The following PKIB variants were observed in gnomAD, a reference collection of about 807,000 sequenced individuals.
PKIB encodes PKI-beta.
In PKIB, 2 loss-of-function variants were observed where a neutral mutation model predicts 4.5. The ratio of observed to expected loss-of-function variants is 0.44; its 90% confidence interval spans 0.18 to 1.39. The LOEUF is 1.39. PKIB is among the 40% of genes most tolerant of loss of function. The pLI, the probability that PKIB is intolerant of heterozygous loss-of-function variation, is 0.27. For synonymous variants in PKIB, 38 were observed against 36.0 expected (o/e 1.06, Z -0.20); for missense variants, 94 against 92.6 (o/e 1.02, Z -0.06).
At chr6:122,486,700 G>A (rs1775776447) in intron 2 of PKIB, among the ~76,000 whole-genome samples, 1 of 151,952 alleles carries the variant, frequency 6.6e-6, no homozygotes, top group Non-Finnish European at 1.5e-5. Context: ...ATTCTAGTTA[G>A]AGTGAATTTT....
intron 2 of PKIB, among the ~76,000 whole-genome samples, chr6:122,530,785 GT>G (rs781551054): frequency 6.6e-6 from 1 of 152,190 alleles, no homozygotes; most frequent in Non-Finnish European, 1.5e-5. Context: ...TGGAAACGTG[GT>G]CAACTCTCCT....
Position 122,494,262 on chromosome 6 carries a change from G to T in PKIB, c.-248+16323G>T, listed in dbSNP as rs190086020. On this transcript the variant is annotated intron_variant, in intron 2 of 6. Coordinates refer to the PKIB transcript ENST00000392491. Reference sequence around the variant, plus strand: ...TTGGAATAGTAAGAAAAATCTGCTTGCTAGTTTGGAAGTTGCTAGCTCTGA... The same window carrying T: ...TTGGAATAGTAAGAAAAATCTGCTTTCTAGTTTGGAAGTTGCTAGCTCTGA... Among the ~76,000 whole-genome samples the T allele has an allele frequency of 3.5e-3, 530 of 152,286 alleles. 2 individuals carry two copies. The highest frequency in any genetic ancestry group is 0.012 in the African/African-American group (495 of 41,560).
At chr6:122,614,632 A>T (rs1454797775) in intron 1 of PKIB, among the ~76,000 whole-genome samples, 1 of 152,164 alleles carries the variant, frequency 6.6e-6, no homozygotes, top group Non-Finnish European at 1.5e-5. Context: ...ACCATGGAAG[A>T]CAGGAAATAA....
chr6:122,661,306 A>C (rs116958239), intron 2 of PKIB, among the ~76,000 whole-genome samples: 1 of 152,288 alleles, frequency 6.6e-6, no homozygotes, highest in East Asian at 1.9e-4. Context: ...GGTCATTTTC[A>C]TCACCCCAGA....
chr6:122,483,531 AAC>A (rs1491196213), intron 2 of PKIB: 9 of 152,120 alleles, frequency 5.9e-5, no homozygotes, highest in East Asian at 3.9e-4. Context: ...AGGGGAAAAA[AAC>A]ACAAAAGTTT....
At chr6:122,632,574 T>C (rs1455944380) in intron 1 of PKIB, among the ~76,000 whole-genome samples, 1 of 152,204 alleles carries the variant, frequency 6.6e-6, no homozygotes, top group Non-Finnish European at 1.5e-5. Flanking sequence ...CTTTTTTACA[T>C]ATAAATACCT....
intron 2 of PKIB, among the ~76,000 whole-genome samples, chr6:122,580,551 G>A (rs973073933): frequency 6.6e-6 from 1 of 152,092 alleles, no homozygotes; most frequent in Admixed American, 6.6e-5. Context: ...AAAGTGAATT[G>A]TTTGCCTACA....
chr6:122,633,928 T>TA (rs1775797573), intron 2 of PKIB, among the ~76,000 whole-genome samples: 1 of 83,618 alleles, frequency 1.2e-5, no homozygotes, highest in Non-Finnish European at 2.7e-5. Flanking sequence ...CAGATATCTG[T>TA]CCTATCTATC....
chr6:122,476,907 T>A (rs1394988026), intron 1 of PKIB, among the ~76,000 whole-genome samples: 2 of 152,192 alleles, frequency 1.3e-5, no homozygotes, highest in African/African-American at 4.8e-5. Context: ...TAGTTCGATT[T>A]GGCACTCATC....
intron 2 of PKIB, chr6:122,531,519 A>T (rs984648739): frequency 6.6e-6 from 1 of 152,156 alleles, no homozygotes; most frequent in Admixed American, 6.6e-5. Flanking sequence ...ACTTGTGGAC[A>T]CTTGAACTTG....
intron 4 of PKIB, among the ~76,000 whole-genome samples, chr6:122,724,061 A>AG (rs1314608748): frequency 6.6e-6 from 1 of 152,210 alleles, no homozygotes; most frequent in Non-Finnish European, 1.5e-5. Flanking sequence ...ATGACTTGGT[A>AG]GGAGCAGTTT....
At chr6:122,667,942 G>A (rs1244488580) in intron 2 of PKIB, among the ~76,000 whole-genome samples, 2 of 152,160 alleles carry the variant, frequency 1.3e-5, no homozygotes, top group East Asian at 3.9e-4. Context: ...AATTTTGTGT[G>A]TCGAATGCTG....
chr6:122,726,100 T>C lies in PKIB; in HGVS notation c.*905T>C, dbSNP rs1484837659. ...GCACTTAAGCATTTAGTCAATGATA[T>C]TGGTAGAAATAGTAAAATACATCCT... On this transcript the variant is annotated 3_prime_UTR_variant, in exon 5 of 5. Transcript: ENST00000368452. The C allele has an allele frequency of 6.6e-6, 1 of 152,088 alleles. No individual in the cohort carries two copies. Among genetic ancestry groups the C allele is most frequent in the Non-Finnish European group, 1.5e-5 (1 of 67,984 alleles). The allele number at this position is 152,088 out of a possible 1,614,324, so 9.4% of individuals were successfully genotyped here. A position where few individuals can be genotyped will look rare whatever the true frequency, so the allele number is the denominator to read the frequency against.
intron 3 of PKIB, among the ~76,000 whole-genome samples, chr6:122,587,438 A>C (rs1405847813): frequency 6.6e-6 from 1 of 152,042 alleles, no homozygotes; most frequent in East Asian, 1.9e-4. Context: ...GTTGGACATT[A>C]GGGTTGGTTT....
Position 122,595,483 on chromosome 6 carries a change from G to C in PKIB, c.-161+9476G>C, listed in dbSNP as rs1033361374. On this transcript the variant is annotated intron_variant, in intron 3 of 6. Transcript: ENST00000392491. ...TCATGACAGTGGATAAGGCATTCTA[G>C]GAGTCCACAGATGGTAGTCTTGGCA... Among the ~76,000 whole-genome samples the C allele has an allele frequency of 2.0e-5, 3 of 152,158 alleles. 1 individual carries two copies. Among genetic ancestry groups the C allele is most frequent in the Non-Finnish European group, 4.4e-5 (3 of 68,034 alleles).
intron 3 of PKIB, among the ~76,000 whole-genome samples, chr6:122,712,768 A>T (rs1779325511): frequency 6.6e-6 from 1 of 152,180 alleles, no homozygotes; most frequent in African/African-American, 2.4e-5. Context: ...TGGAGATGAG[A>T]AAAGAATGGA....
intron 2 of PKIB, among the ~76,000 whole-genome samples, chr6:122,530,719 C>T (rs1438426501): frequency 6.6e-6 from 1 of 152,152 alleles, no homozygotes; most frequent in Non-Finnish European, 1.5e-5. Flanking sequence ...TAAACTCTCC[C>T]AGTCAGGTGA....
intron 2 of PKIB, among the ~76,000 whole-genome samples, chr6:122,506,976 C>G (rs1040421504): frequency 6.6e-6 from 1 of 152,066 alleles, no homozygotes; most frequent in Non-Finnish European, 1.5e-5. Context: ...GCTGGGATTA[C>G]AAGCATGAGC....
intron 3 of PKIB, among the ~76,000 whole-genome samples, chr6:122,586,748 C>A (rs866720742): frequency 6.6e-6 from 1 of 152,036 alleles, no homozygotes; most frequent in Admixed American, 6.6e-5. Flanking sequence ...AGGCAGACAA[C>A]GGAGCAGATG....
Sources: allele counts gnomAD v4.1 joint callset (sites outside exome capture counted in the v4.1 genomes callset), GRCh38; gene constraint gnomAD v4.1.1; transcripts MANE v1.5; gene names NCBI Gene and HGNC (gene_info 2026-07-23, HGNC 2026-07-21).